Variants in NPAS3 observed in about 807,000 individuals in gnomAD.
The protein encoded by NPAS3 is neuronal PAS domain-containing protein 3.
Under a neutral mutation model 73.1 loss-of-function variants are expected in NPAS3, and 14 were observed. The observed-to-expected ratio is 0.19, with a 90% confidence interval of 0.13 to 0.30. NPAS3 has a LOEUF of 0.30. NPAS3 is among the 10% of genes least tolerant of loss of function. The pLI, the probability that NPAS3 is intolerant of heterozygous loss-of-function variation, is 1.00. For missense variants in NPAS3, 1,096 were observed against 1,250.0 expected (o/e 0.88, Z 1.86); for synonymous variants, 620 against 541.5 (o/e 1.14, Z -2.01).
rs1038867163 is a variant in NPAS3 at position 33,780,953 on chromosome 14, C to T, written c.1153+2381C>T. The T allele has an allele frequency of 1.4e-5, 3 of 209,898 alleles. No homozygotes were observed. In the Admixed American group the frequency reaches 1.7e-4, roughly 12 times the overall value. 13.0% of individuals were successfully genotyped at this position (209,898 alleles called of 1,614,324 possible). A position where few individuals can be genotyped will look rare whatever the true frequency, so the allele number is the denominator to read the frequency against. On this transcript the variant is annotated intron_variant, in intron 9 of 11. Transcript: ENST00000356141. ...CCTACTAACAATGATTGGGTTCATT[C>T]TTTTAACTCATACACATGACTTCTA...
intron 7 of NPAS3, among the ~76,000 whole-genome samples, chr14:33,739,536 T>C (rs2061604840): frequency 6.6e-6 from 1 of 152,190 alleles, no homozygotes; most frequent in Non-Finnish European, 1.5e-5. Context: ...CAAACATAGG[T>C]GTCTCTTAAA....
At chr14:33,258,094 T>G (rs917191621) in intron 3 of NPAS3, among the ~76,000 whole-genome samples, 1 of 152,172 alleles carries the variant, frequency 6.6e-6, no homozygotes, top group Non-Finnish European at 1.5e-5. Context: ...CTAAGGTACT[T>G]ATGAAATTAA....
chr14:33,062,674 A>T (rs2041150705), intron 2 of NPAS3, among the ~76,000 whole-genome samples: 1 of 152,198 alleles, frequency 6.6e-6, no homozygotes, highest in Non-Finnish European at 1.5e-5. Context: ...TTGAGAACGA[A>T]AGTAAAGGTC....
chr14:33,784,745 A>ATTTATTTTATTTT (rs1471526546), intron 9 of NPAS3, among the ~76,000 whole-genome samples: 1 of 73,840 alleles, frequency 1.4e-5, no homozygotes, highest in African/African-American at 6.3e-5. Flanking sequence ...TTATTTATTT[A>ATTTATTTTATTTT]TTTTTTTTTT....
intron 2 of NPAS3, among the ~76,000 whole-genome samples, chr14:33,168,543 A>G (rs2045257791): frequency 6.6e-6 from 1 of 152,182 alleles, no homozygotes; most frequent in Non-Finnish European, 1.5e-5. Flanking sequence ...TGGAGCCCCA[A>G]GCCCCTAAAG....
At chr14:33,542,327 T>C (rs528518521) in intron 4 of NPAS3, among the ~76,000 whole-genome samples, 5 of 152,258 alleles carry the variant, frequency 3.3e-5, no homozygotes, top group African/African-American at 1.2e-4. Flanking sequence ...CCTTTTTTTG[T>C]CCTCGAGAGT....
chr14:33,463,087 T>C (rs138598110), intron 4 of NPAS3, among the ~76,000 whole-genome samples: 3 of 152,304 alleles, frequency 2.0e-5, no homozygotes, highest in African/African-American at 7.2e-5. Context: ...TGGCAATAGG[T>C]AATGGCTTAG....
intron 4 of NPAS3, among the ~76,000 whole-genome samples, chr14:33,468,979 C>G (rs17101308): frequency 2.4e-4 from 36 of 152,210 alleles, no homozygotes; most frequent in African/African-American, 8.2e-4. Flanking sequence ...ATTTGATAAT[C>G]AAGCAACAAA....
intron 1 of NPAS3, among the ~76,000 whole-genome samples, chr14:32,948,119 T>G (rs930144273): frequency 5.9e-5 from 9 of 152,154 alleles, no homozygotes; most frequent in Non-Finnish European, 1.3e-4. Flanking sequence ...TACCAGCAGT[T>G]TTTAGTTTTT....
At chr14:33,743,882 C>T (rs2061716310) in intron 7 of NPAS3, among the ~76,000 whole-genome samples, 1 of 152,246 alleles carries the variant, frequency 6.6e-6, no homozygotes, top group Admixed American at 6.5e-5. Context: ...TCAGCCTCTG[C>T]TAGCTTCCAC....
chr14:33,148,006 G>C (rs10134570), intron 2 of NPAS3, among the ~76,000 whole-genome samples: 9,664 of 151,940 alleles, frequency 0.064, 979 homozygotes, highest in African/African-American at 0.22. Flanking sequence ...CAAATAGCAA[G>C]AAGCAGAGTC....
intron 5 of NPAS3, among the ~76,000 whole-genome samples, chr14:33,584,914 G>A (rs183159462): frequency 5.3e-5 from 8 of 152,268 alleles, no homozygotes; most frequent in African/African-American, 1.9e-4. Flanking sequence ...TAAAGACTTG[G>A]TTACCTTGGG....
chr14:33,400,898 C>G (rs1198673393), intron 4 of NPAS3, among the ~76,000 whole-genome samples: 2 of 149,238 alleles, frequency 1.3e-5, no homozygotes, highest in Non-Finnish European at 3.0e-5. Flanking sequence ...TTAAAGTTGA[C>G]TTGGGTTAGA....
At chr14:33,055,762 T>C (rs1039369058) in intron 1 of NPAS3, 143 bp from the exon 2 acceptor site, 1 of 503,228 alleles carries the variant, frequency 2.0e-6, no homozygotes, top group Admixed American at 3.5e-5. Flanking sequence ...TGTTCTAAAA[T>C]GTATGTACAC....
chr14:33,168,503 T>G (rs532505216), intron 2 of NPAS3, among the ~76,000 whole-genome samples: 1 of 152,280 alleles, frequency 6.6e-6, no homozygotes, highest in Non-Finnish European at 1.5e-5. Context: ...TTAAAAAAGC[T>G]TTTGAGCTTA....
intron 5 of NPAS3, among the ~76,000 whole-genome samples, chr14:33,560,651 G>A (rs187061460): frequency 4.5e-4 from 68 of 151,548 alleles, no homozygotes; most frequent in African/African-American, 1.5e-3. Context: ...CCATTAAAAT[G>A]CGTTGCAGGG....
chr14:33,468,184 C>T (rs2050619929), intron 4 of NPAS3, among the ~76,000 whole-genome samples: 1 of 152,154 alleles, frequency 6.6e-6, no homozygotes, highest in South Asian at 2.1e-4. Flanking sequence ...GTTGAATGTA[C>T]ATAAAATTTC....
intron 3 of NPAS3, among the ~76,000 whole-genome samples, chr14:33,255,612 T>C (rs2048750480): frequency 6.6e-6 from 1 of 152,236 alleles, no homozygotes; most frequent in African/African-American, 2.4e-5. Context: ...TTTGGCCAGC[T>C]CTCTCATCCA....
chr14:33,177,492 A>G (rs1347945155), intron 2 of NPAS3, among the ~76,000 whole-genome samples: 2 of 152,086 alleles, frequency 1.3e-5, no homozygotes, highest in Non-Finnish European at 2.9e-5. Flanking sequence ...ATAGCATCCT[A>G]TAATGTAAAA....
Sources: gnomAD v4.1 joint callset for allele counts (sites outside exome capture counted in the v4.1 genomes callset) on GRCh38, gnomAD v4.1.1 for gene constraint, MANE v1.5 for transcripts, NCBI Gene and HGNC (gene_info 2026-07-23, HGNC 2026-07-21) for gene names.